The following ROBO2 variants were observed in gnomAD, a reference collection of about 807,000 sequenced individuals.
The protein encoded by ROBO2 is roundabout homolog 2.
A neutral mutation model predicts 160.8 loss-of-function variants in ROBO2; 53 were observed. The observed-to-expected ratio is 0.33, with a 90% CI of 0.26 to 0.41. The LOEUF (loss-of-function observed/expected upper bound fraction) is 0.41, where lower values mean the gene tolerates loss of function less well. Ranked by LOEUF, ROBO2 falls within the 10% of genes least tolerant of loss-of-function variation. The pLI is 1.00. For synonymous variants in ROBO2, 664 were observed against 611.7 expected, an observed-to-expected ratio of 1.09 and a Z score of -1.26; for missense variants, 1,577 against 1,722.4, an observed-to-expected ratio of 0.92 and a Z score of 1.49.
exon 20 of ROBO2, chr3:77,602,476 A>AACAAAG (rs766542025): frequency 1.9e-6 from 3 of 1,614,030 alleles, no homozygotes; most frequent in Admixed American, 3.3e-5. Flanking sequence ...ACCTGATCAG[A>AACAAAG]ACAAAGGTAA....
At chr3:77,336,564 G>T (rs1274116758) in intron 2 of ROBO2, among the ~76,000 whole-genome samples, 1 of 150,320 alleles carries the variant, frequency 6.7e-6, no homozygotes, top group Non-Finnish European at 1.5e-5. Flanking sequence ...TTCAATAGTA[G>T]TGTGGTGGAT....
chr3:76,020,841 T>C (rs944869970), intron 2 of ROBO2, among the ~76,000 whole-genome samples: 3 of 151,914 alleles, frequency 2.0e-5, no homozygotes, highest in Admixed American at 6.6e-5. Flanking sequence ...TATTCACTTT[T>C]AGGTTTCCTA....
intron 2 of ROBO2, among the ~76,000 whole-genome samples, chr3:76,942,128 T>C (rs2078227260): frequency 1.3e-5 from 2 of 152,196 alleles, no homozygotes; most frequent in Admixed American, 1.3e-4. Flanking sequence ...CTTAGATTAT[T>C]ATATAGAAAA....
exon 18 of ROBO2, chr3:77,595,179 T>C: frequency 6.2e-7 from 1 of 1,610,372 alleles, no homozygotes; most frequent in Non-Finnish European, 8.5e-7. Context: ...TAATGAGCAA[T>C]GGAAGGTATG....
chr3:76,011,498 A>G (rs577263760), intron 2 of ROBO2, among the ~76,000 whole-genome samples: 45 of 152,318 alleles, frequency 3.0e-4, no homozygotes, highest in Non-Finnish European at 5.4e-4. Context: ...AGTTTTGGTT[A>G]GTAAAATCAC....
At chr3:76,712,878 A>G (rs964524645) in intron 2 of ROBO2, among the ~76,000 whole-genome samples, 3 of 152,188 alleles carry the variant, frequency 2.0e-5, no homozygotes, top group East Asian at 3.9e-4. Context: ...ACTTTTTCAC[A>G]TTAATCTTCT....
chr3:77,341,449 T>G (rs2067049432), intron 2 of ROBO2, among the ~76,000 whole-genome samples: 1 of 152,138 alleles, frequency 6.6e-6, no homozygotes, highest in Non-Finnish European at 1.5e-5. Context: ...CCCTACAACA[T>G]TCAACCCATT....
intron 2 of ROBO2, among the ~76,000 whole-genome samples, chr3:76,426,566 C>T (rs574850984): frequency 3.3e-5 from 5 of 152,034 alleles, no homozygotes; most frequent in East Asian, 1.9e-4. Context: ...AAAATCAGAC[C>T]GTAAGGGAAA....
At chr3:77,428,626 G>T (rs1187697203) in intron 2 of ROBO2, among the ~76,000 whole-genome samples, 1 of 151,874 alleles carries the variant, frequency 6.6e-6, no homozygotes. Context: ...AAAGTGCTGG[G>T]ATTACAGGCG....
chr3:76,219,913 A>T (rs1340519281), intron 2 of ROBO2, among the ~76,000 whole-genome samples: 1 of 152,058 alleles, frequency 6.6e-6, no homozygotes. Context: ...AATAGCAAAG[A>T]CTTGGAACCA....
chr3:76,030,328 C>T (rs904585252), intron 2 of ROBO2, among the ~76,000 whole-genome samples: 6 of 152,176 alleles, frequency 3.9e-5, no homozygotes, highest in African/African-American at 1.4e-4. Context: ...CCTGTTCACT[C>T]TGATGGCAGT....
intron 2 of ROBO2, among the ~76,000 whole-genome samples, chr3:76,637,157 T>C (rs1294731495): frequency 1.3e-5 from 2 of 152,048 alleles, no homozygotes; most frequent in South Asian, 2.1e-4. Context: ...TACAGCAGTG[T>C]TCACAACGTT....
chr3:76,704,887 ATTAAT>A (rs2093127855), intron 2 of ROBO2, among the ~76,000 whole-genome samples: 1 of 152,060 alleles, frequency 6.6e-6, no homozygotes, highest in African/African-American at 2.4e-5. Flanking sequence ...TTTTTGATTA[ATTAAT>A]TAATTAATTT....
chr3:77,108,604 G>T (rs1247855135), intron 2 of ROBO2, among the ~76,000 whole-genome samples: 1 of 152,138 alleles, frequency 6.6e-6, no homozygotes, highest in Non-Finnish European at 1.5e-5. Context: ...GCCTCAGGTG[G>T]CAGTGAACCT....
chr3:76,000,316 C>G (rs1449884546), intron 2 of ROBO2, among the ~76,000 whole-genome samples: 2 of 152,044 alleles, frequency 1.3e-5, no homozygotes, highest in Non-Finnish European at 2.9e-5. Context: ...GTTCTTTAAG[C>G]ACACGGGACC....
chr3:76,864,736 G>A (rs6794793), intron 2 of ROBO2, among the ~76,000 whole-genome samples: 1 of 151,968 alleles, frequency 6.6e-6, no homozygotes, highest in Non-Finnish European at 1.5e-5. Context: ...ATGTTTTGTT[G>A]TCTAACAATT....
intron 1 of ROBO2, among the ~76,000 whole-genome samples, chr3:77,056,379 C>T (rs942838865): frequency 6.6e-6 from 1 of 152,104 alleles, no homozygotes; most frequent in Non-Finnish European, 1.5e-5. Flanking sequence ...TAGGATTAGA[C>T]AACAAATTAA....
chr3:77,572,035 A>T (rs917989371), intron 13 of ROBO2, among the ~76,000 whole-genome samples: 1 of 152,032 alleles, frequency 6.6e-6, no homozygotes, highest in Non-Finnish European at 1.5e-5. Context: ...TTTGTGGTAA[A>T]CATTAGCTTC....
intron 2 of ROBO2, among the ~76,000 whole-genome samples, chr3:76,713,345 A>G (rs916895295): frequency 2.0e-5 from 3 of 152,142 alleles, no homozygotes; most frequent in Admixed American, 1.3e-4. Flanking sequence ...TCTAGTTTTA[A>G]TCAGTGATTC....
Sources: allele counts gnomAD v4.1 joint callset (sites outside exome capture counted in the v4.1 genomes callset), GRCh38; gene constraint gnomAD v4.1.1; transcripts MANE v1.5; gene names NCBI Gene and HGNC (gene_info 2026-07-23, HGNC 2026-07-21).